The following GRM7 variants were observed in gnomAD, a reference collection of about 807,000 sequenced individuals.
The protein encoded by GRM7 is glutamate metabotropic receptor 7, also known as metabotropic glutamate receptor 7.
Under a neutral mutation model 84.5 loss-of-function variants are expected in GRM7, and 35 were observed. The observed-to-expected ratio is 0.41, with a 90% CI of 0.32 to 0.55. The LOEUF is 0.55. Ranked by LOEUF, GRM7 falls within the 20% of genes least tolerant of loss-of-function variation. The pLI is 0.19. For missense variants in GRM7, 1,003 were observed against 1,194.6 expected (o/e 0.84, Z 2.36); for synonymous variants, 487 against 455.1 (o/e 1.07, Z -0.89).
At chr3:7,618,192 C>A (rs1697196875) in intron 8 of GRM7, among the ~76,000 whole-genome samples, 1 of 152,128 alleles carries the variant, frequency 6.6e-6, no homozygotes, top group South Asian at 2.1e-4. Flanking sequence ...ACTCCTCCTG[C>A]ATAAAGAAGC....
intron 8 of GRM7, among the ~76,000 whole-genome samples, chr3:7,604,293 G>A (rs1478170490): frequency 2.0e-5 from 3 of 152,132 alleles, no homozygotes; most frequent in African/African-American, 7.2e-5. Flanking sequence ...ATTTACATAG[G>A]TGGAACAAGC....
At chr3:7,581,892 G>GTTTGTT (rs1381252411) in intron 8 of GRM7, among the ~76,000 whole-genome samples, 1 of 151,504 alleles carries the variant, frequency 6.6e-6, no homozygotes, top group African/African-American at 2.4e-5. Flanking sequence ...CCCCCATGAA[G>GTTTGTT]TTTGTTTTTG....
intron 1 of GRM7, among the ~76,000 whole-genome samples, chr3:7,052,932 A>G (rs1697062338): frequency 1.3e-5 from 2 of 151,284 alleles, no homozygotes; most frequent in African/African-American, 4.8e-5. Flanking sequence ...GCTGGGTTTT[A>G]TTGTAAGGGT....
chr3:7,663,951 C>T (rs2125126000), intron 8 of GRM7, among the ~76,000 whole-genome samples: 1 of 152,302 alleles, frequency 6.6e-6, no homozygotes, highest in African/African-American at 2.4e-5. Context: ...TTAATGCAAA[C>T]TTTGGACTCG....
intron 1 of GRM7, among the ~76,000 whole-genome samples, chr3:6,945,901 G>T (rs2125062526): frequency 6.6e-6 from 1 of 152,204 alleles, no homozygotes; most frequent in Middle Eastern, 3.4e-3. Flanking sequence ...CCCACTTTTT[G>T]GTGGGGTTGT....
chr3:7,617,668 ACT>A (rs1330822666), intron 8 of GRM7, among the ~76,000 whole-genome samples: 1 of 152,056 alleles, frequency 6.6e-6, no homozygotes, highest in Non-Finnish European at 1.5e-5. Flanking sequence ...GAAACAGAAA[ACT>A]CTGAGACAGA....
chr3:7,180,404 C>T (rs1347544378), intron 2 of GRM7, among the ~76,000 whole-genome samples: 1 of 152,084 alleles, frequency 6.6e-6, no homozygotes, highest in Admixed American at 6.5e-5. Context: ...CCTAACACAC[C>T]CAAACAGCAA....
intron 7 of GRM7, among the ~76,000 whole-genome samples, chr3:7,488,072 G>A (rs1483205072): frequency 6.6e-6 from 1 of 152,158 alleles, no homozygotes; most frequent in African/African-American, 2.4e-5. Flanking sequence ...GCCCTGCTGG[G>A]TTTTGGACTT....
chr3:7,691,405 A>G, intron 9 of GRM7: 1 of 387,564 alleles, frequency 2.6e-6, no homozygotes, highest in Non-Finnish European at 4.5e-6. Flanking sequence ...GAAAAACTGG[A>G]CTGGGAGTCC....
intron 4 of GRM7, among the ~76,000 whole-genome samples, chr3:7,350,612 T>A (rs1434951467): frequency 6.6e-6 from 1 of 152,156 alleles, no homozygotes; most frequent in Non-Finnish European, 1.5e-5. Context: ...AGGCATTTCT[T>A]TATAGCAGTG....
Position 6,969,838 on chromosome 3 carries a change from C to T in GRM7, c.519+107931C>T, listed in dbSNP as rs201330383. Among the ~76,000 whole-genome samples the T allele has an allele frequency of 3.3e-5, 5 of 152,230 alleles. No individual in the cohort carries two copies. The South Asian group carries it at 8.3e-4, about 25-fold the overall frequency. On this transcript the variant is annotated intron_variant, in intron 1 of 9. Coordinates refer to ENST00000357716, the MANE Select transcript of GRM7 (RefSeq NM_000844.4). ...CCATCCCCAGACAGACTTGACACAT[C>T]GTATGTTCCCAGAGTACAAGAGAGT...
chr3:7,216,802 A>G (rs539803634), intron 2 of GRM7, among the ~76,000 whole-genome samples: 318 of 152,238 alleles, frequency 2.1e-3, no homozygotes, highest in Non-Finnish European at 3.1e-3. Flanking sequence ...TGTTGCTTTC[A>G]TTAGAAACAT....
At position 7,454,090 on chromosome 3, in the gene GRM7, A is replaced by ACACACTCTCTCTCTCTCTCTCTCTCT. The variant is rs1365192243; in HGVS notation, c.1375+1284_1375+1285insACACTCTCTCTCTCTCTCTCTCTCTC. ...ACCATACATGAAAAGCTACACACAC[A>ACACACTCTCTCTCTCTCTCTCTCTCT]CTCTCTCTCTCTCTCTCTCTCTCTC... is the stretch of plus-strand genomic sequence containing the variant. On this transcript the variant is annotated intron_variant, in intron 6 of 9. Transcript: ENST00000357716. Among the ~76,000 whole-genome samples, 7 of 140,198 alleles carry ACACACTCTCTCTCTCTCTCTCTCTCT rather than the reference A, an allele frequency of 5.0e-5. No homozygotes were observed. In the East Asian group the frequency reaches 7.1e-4, roughly 14 times the overall value. 92.0% of individuals were successfully genotyped at this position (140,198 alleles called of 152,430 possible).
chr3:7,388,305 T>C (rs919167540), intron 4 of GRM7, among the ~76,000 whole-genome samples: 2 of 152,092 alleles, frequency 1.3e-5, no homozygotes, highest in Non-Finnish European at 2.9e-5. Context: ...CTGATCACTC[T>C]GGCTGGGACT....
At chr3:7,557,664 T>C (rs185886215) in intron 7 of GRM7, among the ~76,000 whole-genome samples, 1 of 152,278 alleles carries the variant, frequency 6.6e-6, no homozygotes, top group East Asian at 1.9e-4. Context: ...AAGGAAGATA[T>C]GTATTTCATT....
chr3:7,475,960 C>T (rs936152172), intron 7 of GRM7, among the ~76,000 whole-genome samples: 15 of 152,076 alleles, frequency 9.9e-5, no homozygotes, highest in African/African-American at 3.4e-4. Context: ...GAAAATTTCC[C>T]GAGTCAAATC....
chr3:7,175,784 C>T (rs151164541), intron 2 of GRM7, among the ~76,000 whole-genome samples: 2,656 of 152,168 alleles, frequency 0.017, 79 homozygotes, highest in African/African-American at 0.06. Flanking sequence ...GTGATCTGCC[C>T]GCCTTGGCCT....
At chr3:7,643,862 C>T (rs777674179) in intron 8 of GRM7, among the ~76,000 whole-genome samples, 73 of 152,150 alleles carry the variant, frequency 4.8e-4, no homozygotes, top group Non-Finnish European at 8.2e-4. Context: ...GTAGAAGCAG[C>T]ATGTTCTTTC....
intron 1 of GRM7, among the ~76,000 whole-genome samples, chr3:7,001,427 T>C (rs559462414): frequency 6.6e-6 from 1 of 152,202 alleles, no homozygotes; most frequent in African/African-American, 2.4e-5. Context: ...GAAACATAAA[T>C]GTTAACTTTA....
Sources: allele counts gnomAD v4.1 joint callset (sites outside exome capture counted in the v4.1 genomes callset), GRCh38; gene constraint gnomAD v4.1.1; transcripts MANE v1.5; gene names NCBI Gene and HGNC (gene_info 2026-07-23, HGNC 2026-07-21).